Variants in OSBPL10 observed in about 807,000 individuals in gnomAD.
The protein encoded by OSBPL10 is oxysterol-binding protein-related protein 10.
OSBPL10 carries 49 observed loss-of-function variants against 81.7 expected under a neutral mutation model. That is an observed-to-expected ratio of 0.60 (90% CI 0.48 to 0.76). The LOEUF (loss-of-function observed/expected upper bound fraction) is 0.76. Among genes scored for constraint, OSBPL10 ranks in the 30% least tolerant of loss-of-function variants. OSBPL10 has a pLI of 0.00. For missense variants in OSBPL10, 923 were observed against 987.8 expected, an observed-to-expected ratio of 0.93 and a Z score of 0.88; for synonymous variants, 419 against 383.6, an observed-to-expected ratio of 1.09 and a Z score of -1.08.
At chr3:32,038,026 G>T (rs998065794) in intron 2 of OSBPL10, among the ~76,000 whole-genome samples, 1 of 152,220 alleles carries the variant, frequency 6.6e-6, no homozygotes, top group Non-Finnish European at 1.5e-5. Flanking sequence ...ATGTACCAGA[G>T]ATAAGGAAGT....
At chr3:31,989,311 G>A (rs1003650349) in intron 2 of OSBPL10, 5 of 1,614,068 alleles carry the variant, frequency 3.1e-6, no homozygotes, top group African/African-American at 2.7e-5. Context: ...CTCATCAACA[G>A]CGCAAGGCAA....
rs372222731 is a variant in OSBPL10 at position 31,876,429 on chromosome 3, T to C, written c.537+4A>G. 58 of 1,606,706 alleles carry C rather than the reference T, an allele frequency of 3.6e-5. No homozygotes were observed. In the African/African-American group the frequency reaches 7.0e-4, roughly 19 times the overall value. ...TGCCTCCTTCCTTTCTCACGGTGACTTACCTTAGAATTCATTTCCATGTGG... is the reference window on the plus strand; with the variant it reads ...TGCCTCCTTCCTTTCTCACGGTGACCTACCTTAGAATTCATTTCCATGTGG... On this transcript the variant is annotated splice_donor_region_variant and intron_variant, in intron 3 of 11. Coordinates refer to ENST00000396556, the MANE Select transcript of OSBPL10 (RefSeq NM_017784.5).
At chr3:31,972,215 C>G (rs1303495636) in intron 1 of OSBPL10, among the ~76,000 whole-genome samples, 1 of 152,142 alleles carries the variant, frequency 6.6e-6, no homozygotes, top group Non-Finnish European at 1.5e-5. Flanking sequence ...ATGATGAAAC[C>G]CCGTCTCTAC....
In OSBPL10 at chr3:31,870,624, T is replaced by C. The variant is rs187827099; in HGVS notation, c.537+5809A>G. Among the ~76,000 whole-genome samples, 428 of 152,328 alleles carry C rather than the reference T, an allele frequency of 2.8e-3. 3 individuals are homozygous for C. The highest frequency in any genetic ancestry group is 4.8e-3 in the Non-Finnish European group (328 of 68,024). ...AGAACCTTTATGTCTAGCGCAGGGA[T>C]TGTAAATACACCAATTGGCACTCTG... On this transcript the variant is annotated intron_variant, in intron 3 of 11. Coordinates refer to ENST00000396556, the MANE Select transcript of OSBPL10 (RefSeq NM_017784.5).
chr3:32,048,266 T>C (rs1699640708), intron 1 of OSBPL10, among the ~76,000 whole-genome samples: 1 of 151,314 alleles, frequency 6.6e-6, no homozygotes, highest in Non-Finnish European at 1.5e-5. Context: ...GTTCCTAAAA[T>C]CCATTCTCAT....
intron 4 of OSBPL10, among the ~76,000 whole-genome samples, chr3:31,782,809 T>C (rs1234832245): frequency 6.6e-6 from 1 of 152,076 alleles, no homozygotes; most frequent in East Asian, 1.9e-4. Flanking sequence ...ATGGATGTGG[T>C]GAAAAGGAAA....
chr3:31,675,157 A>G (rs888960222), intron 8 of OSBPL10, among the ~76,000 whole-genome samples: 1 of 137,880 alleles, frequency 7.3e-6, no homozygotes, highest in Admixed American at 7.0e-5. Flanking sequence ...TTCACCCTTC[A>G]TGTCCTTAAT....
intron 1 of OSBPL10, among the ~76,000 whole-genome samples, chr3:31,932,286 G>A (rs1023435582): frequency 3.9e-5 from 6 of 152,054 alleles, no homozygotes; most frequent in Non-Finnish European, 7.4e-5. Context: ...ACCTCCACCC[G>A]CATCTCCCAG....
intron 3 of OSBPL10, among the ~76,000 whole-genome samples, chr3:31,874,475 C>T (rs890844392): frequency 1.3e-5 from 2 of 151,838 alleles, no homozygotes; most frequent in Admixed American, 6.6e-5. Flanking sequence ...GTACAAATGA[C>T]AGGCCAAAAA....
intron 2 of OSBPL10, chr3:31,989,676 CA>C: frequency 6.2e-7 from 1 of 1,614,030 alleles, no homozygotes; most frequent in Non-Finnish European, 8.5e-7. Flanking sequence ...CTTCTAGGCC[CA>C]AAATCCATAT....
intron 4 of OSBPL10, among the ~76,000 whole-genome samples, chr3:31,812,531 T>G (rs73059421): frequency 0.087 from 13,225 of 152,078 alleles, 785 homozygotes; most frequent in Non-Finnish European, 0.14. Flanking sequence ...AAAGGCACTA[T>G]GTAATTATGA....
In OSBPL10 at chr3:31,838,952, C is replaced by T. The variant is rs545704437; in HGVS notation, c.538-8721G>A. Among the ~76,000 whole-genome samples the T allele has an allele frequency of 7.9e-5, 12 of 152,318 alleles. No homozygotes were observed. The East Asian group carries it at 2.3e-3, about 29-fold the overall frequency. On this transcript the variant is annotated intron_variant, in intron 3 of 11. Transcript: ENST00000396556. ...CCCGCATAGCATTTAATGTGCATTA[C>T]TCAGGAATCATCTGTCTCCACAGCT...
rs754812295 is a variant in OSBPL10, at chr3:31,965,325, G to A, written c.281+15574C>T. Among the ~76,000 whole-genome samples, 118 of 141,040 alleles carry A rather than the reference G, an allele frequency of 8.4e-4. 2 individuals are homozygous for A. The Middle Eastern group carries it at 0.012, about 14-fold the overall frequency. The allele number at this position is 141,040 out of a possible 152,430, so 92.5% of individuals were successfully genotyped here. ...GCAGAGCTTGCAGGGAGCTGAGATC[G>A]CACTACTGCACTCCAGCCTGGGTGA... On this transcript the variant is annotated intron_variant, in intron 1 of 11. Coordinates refer to ENST00000396556, the MANE Select transcript of OSBPL10 (RefSeq NM_017784.5).
intron 8 of OSBPL10, 53 bp downstream of exon 8, chr3:31,683,581 G>A (rs963828957): frequency 2.5e-6 from 4 of 1,570,776 alleles, no homozygotes; most frequent in Admixed American, 3.5e-5. Context: ...CATCTACCAG[G>A]TATAGAAACG....
chr3:31,685,208 TTTTG>T (rs1048837773), intron 7 of OSBPL10, among the ~76,000 whole-genome samples: 2 of 152,046 alleles, frequency 1.3e-5, no homozygotes, highest in East Asian at 1.9e-4. Context: ...ATCGGGTATT[TTTTG>T]TTTGTTTTGA....
intron 1 of OSBPL10, among the ~76,000 whole-genome samples, chr3:31,929,180 GA>G (rs911242219): frequency 6.6e-6 from 1 of 151,566 alleles, no homozygotes; most frequent in Non-Finnish European, 1.5e-5. Context: ...ATTCTTAGAA[GA>G]AAAAAAAGAT....
intron 5 of OSBPL10, among the ~76,000 whole-genome samples, chr3:31,745,274 G>A (rs1033204432): frequency 2.0e-5 from 3 of 152,194 alleles, no homozygotes; most frequent in Non-Finnish European, 2.9e-5. Context: ...GTCTTTAGAG[G>A]AGAGTGTCCT....
chr3:31,966,065 TG>T (rs1239040759), intron 1 of OSBPL10, among the ~76,000 whole-genome samples: 2 of 144,432 alleles, frequency 1.4e-5, no homozygotes, highest in African/African-American at 5.2e-5. Flanking sequence ...GAGGCCAAGG[TG>T]GGAGGATTGC....
intron 4 of OSBPL10, among the ~76,000 whole-genome samples, chr3:31,823,675 G>T (rs1359241287): frequency 1.3e-5 from 2 of 152,244 alleles, no homozygotes; most frequent in Middle Eastern, 6.8e-3. Flanking sequence ...AAAATATTAT[G>T]ATTTCCTTAG....
Sources: allele counts gnomAD v4.1 joint callset (sites outside exome capture counted in the v4.1 genomes callset), GRCh38; gene constraint gnomAD v4.1.1; transcripts MANE v1.5; gene names NCBI Gene and HGNC (gene_info 2026-07-23, HGNC 2026-07-21).